Variants in MALRD1 observed in about 807,000 individuals in gnomAD.
The protein encoded by MALRD1 is MAM and LDL-receptor class A domain-containing protein 1.
A neutral mutation model predicts 242.1 loss-of-function variants in MALRD1; 247 were observed. That is an observed-to-expected ratio of 1.02 (90% confidence interval 0.92 to 1.13). The LOEUF (loss-of-function observed/expected upper bound fraction) is 1.13. MALRD1 is among the 50% of genes most tolerant of loss of function. The pLI, the probability that MALRD1 is intolerant of heterozygous loss-of-function variation, is 0.00. For synonymous variants in MALRD1, 995 were observed against 866.6 expected, an observed-to-expected ratio of 1.15 and a Z score of -2.60; for missense variants, 2,989 against 2,533.1, an observed-to-expected ratio of 1.18 and a Z score of -3.86.
intron 36 of MALRD1, among the ~76,000 whole-genome samples, chr10:19,689,863 C>T (rs1034451106): frequency 6.6e-6 from 1 of 151,928 alleles, no homozygotes; most frequent in East Asian, 1.9e-4. Context: ...TCAAGCAGCA[C>T]CATATCCATT....
At chr10:19,695,241 T>G (rs956178169) in intron 38 of MALRD1, among the ~76,000 whole-genome samples, 6 of 152,096 alleles carry the variant, frequency 3.9e-5, no homozygotes, top group African/African-American at 1.4e-4. Flanking sequence ...TAAATATATA[T>G]GAAATATTTA....
rs79422351 is a variant in MALRD1 at position 19,617,377 on chromosome 10, G to A, written c.6137+1454G>A. On this transcript the variant is annotated intron_variant, in intron 36 of 39. Coordinates refer to ENST00000454679, the MANE Select transcript of MALRD1 (RefSeq NM_001142308.3). ...AAGAAAGTCAATCAAATATCCTAAA[G>A]TATTATTTTTGATAGCAAATAATAC... Among the ~76,000 whole-genome samples, 399 of 152,002 alleles carry A rather than the reference G, an allele frequency of 2.6e-3. 7 individuals are homozygous for A. The East Asian group carries it at 0.059, about 23-fold the overall frequency.
chr10:19,159,470 A>C (rs1392032605), intron 12 of MALRD1, among the ~76,000 whole-genome samples: 1 of 152,104 alleles, frequency 6.6e-6, no homozygotes, highest in African/African-American at 2.4e-5. Flanking sequence ...GATGTGAAGC[A>C]GAGAAGGCAG....
chr10:19,074,764 T>G (rs1835265470), intron 2 of MALRD1, among the ~76,000 whole-genome samples: 1 of 152,110 alleles, frequency 6.6e-6, no homozygotes, highest in Non-Finnish European at 1.5e-5. Context: ...GCTTTTCATT[T>G]GGCAGCAAAT....
intron 32 of MALRD1, among the ~76,000 whole-genome samples, chr10:19,534,352 A>G (rs1286939476): frequency 1.3e-5 from 2 of 152,214 alleles, no homozygotes; most frequent in Non-Finnish European, 2.9e-5. Context: ...TGGAGGAACC[A>G]GTGAAGTGGA....
chr10:19,258,035 AAATG>A (rs1481823763), intron 19 of MALRD1, among the ~76,000 whole-genome samples: 1 of 152,136 alleles, frequency 6.6e-6, no homozygotes, highest in Non-Finnish European at 1.5e-5. Context: ...TCTGAAGTTA[AAATG>A]TAATTCCATT....
rs559940964 is a variant in MALRD1 at position 19,165,717 on chromosome 10, G to T, written c.1737G>T (p.Lys579Asn). Reference sequence around the variant, plus strand: ...CGTCTCTAGATGGAAACTTGCAAAAGCAGGGCAAAATAATCAGATTCTCCG... The same window carrying T: ...CGTCTCTAGATGGAAACTTGCAAAATCAGGGCAAAATAATCAGATTCTCCG... Reference protein sequence around the residue: ...TRTSLDGNLQKQGKIIRFSES... With the variant: ...TRTSLDGNLQNQGKIIRFSES... Residue 579 changes from lysine (K) to asparagine (N), a missense_variant, in exon 13 of 40, where the codon AAG (lysine) becomes AAT (asparagine). Lys to Asn is a moderately conservative substitution (Grantham distance 94). Transcript: ENST00000454679. 1,040 of 1,231,640 alleles carry T rather than the reference G, an allele frequency of 8.4e-4. No homozygotes were observed. Among genetic ancestry groups the T allele is most frequent in the Non-Finnish European group, 1.0e-3 (985 of 987,950 alleles). 76.3% of individuals were successfully genotyped at this position (1,231,640 alleles called of 1,614,324 possible). A position where few individuals can be genotyped will look rare whatever the true frequency, so the allele number is the denominator to read the frequency against.
intron 26 of MALRD1, among the ~76,000 whole-genome samples, chr10:19,366,076 G>A (rs1318778531): frequency 6.6e-6 from 1 of 151,862 alleles, no homozygotes; most frequent in Non-Finnish European, 1.5e-5. Context: ...TAGGGGGAAG[G>A]GGTGGTTTAG....
intron 21 of MALRD1, among the ~76,000 whole-genome samples, chr10:19,299,155 G>A (rs375550914): frequency 1.3e-5 from 2 of 151,782 alleles, no homozygotes; most frequent in South Asian, 2.1e-4. Context: ...AATGAATATA[G>A]GCTATATGAA....
At chr10:19,450,042 C>T (rs1219296184) in intron 28 of MALRD1, among the ~76,000 whole-genome samples, 1 of 152,080 alleles carries the variant, frequency 6.6e-6, no homozygotes, top group African/African-American at 2.4e-5. Flanking sequence ...TTTCAGGAGC[C>T]AGGTTTGTAG....
intron 17 of MALRD1, among the ~76,000 whole-genome samples, chr10:19,207,130 C>T (rs1164446655): frequency 1.3e-5 from 2 of 152,086 alleles, no homozygotes; most frequent in East Asian, 1.9e-4. Flanking sequence ...TATTTGTTCA[C>T]TTTTGGCATC....
chr10:19,189,327 A>G (rs746536090), intron 14 of MALRD1, among the ~76,000 whole-genome samples: 5 of 152,154 alleles, frequency 3.3e-5, no homozygotes, highest in Non-Finnish European at 7.4e-5. Context: ...AAGATCTGCT[A>G]ACAAAGTAAA....
chr10:19,664,946 G>A (rs1157911108), intron 36 of MALRD1, among the ~76,000 whole-genome samples: 1 of 151,864 alleles, frequency 6.6e-6, no homozygotes, highest in Non-Finnish European at 1.5e-5. Context: ...TTAAACCAAA[G>A]GCCAATTACC....
intron 32 of MALRD1, among the ~76,000 whole-genome samples, chr10:19,559,801 GAAAC>G (rs573920355): frequency 3.7e-4 from 57 of 152,130 alleles, no homozygotes; most frequent in African/African-American, 1.3e-3. Flanking sequence ...AGAAAAAAGA[GAAAC>G]AACCCCATCG....
At chr10:19,583,174 G>A (rs796135616) in intron 33 of MALRD1, among the ~76,000 whole-genome samples, 1 of 146,096 alleles carries the variant, frequency 6.8e-6, no homozygotes, top group Non-Finnish European at 1.5e-5. Flanking sequence ...TGCAAACAGG[G>A]ACAATTTGAC....
chr10:19,198,690 G>T (rs1174879320), intron 14 of MALRD1, among the ~76,000 whole-genome samples: 1 of 152,110 alleles, frequency 6.6e-6, no homozygotes, highest in African/African-American at 2.4e-5. Flanking sequence ...GATCTCAGGA[G>T]ACCCTTTAAG....
intron 5 of MALRD1, among the ~76,000 whole-genome samples, chr10:19,107,513 A>G (rs968282866): frequency 5.5e-5 from 8 of 146,230 alleles, no homozygotes; most frequent in African/African-American, 1.8e-4. Flanking sequence ...TTCTCAGTCT[A>G]TGGGTATTTT....
intron 29 of MALRD1, among the ~76,000 whole-genome samples, chr10:19,470,568 A>G (rs147136987): frequency 1.3e-5 from 2 of 152,076 alleles, no homozygotes; most frequent in East Asian, 1.9e-4. Flanking sequence ...ACAGTGTGCA[A>G]TGGTTTCCTT....
At chr10:19,257,797 G>A in intron 19 of MALRD1, 26 bp downstream of exon 19, 1 of 1,406,476 alleles carries the variant, frequency 7.1e-7, no homozygotes, top group Non-Finnish European at 9.5e-7. Context: ...TCAATTTGGG[G>A]TTATTTCTAA....
Sources: gnomAD v4.1 joint callset for allele counts (sites outside exome capture counted in the v4.1 genomes callset) on GRCh38, gnomAD v4.1.1 for gene constraint, MANE v1.5 for transcripts, NCBI Gene and HGNC (gene_info 2026-07-23, HGNC 2026-07-21) for gene names.